ZNF385B: variants seen among roughly 807,000 people sequenced by gnomAD.
ZNF385B encodes the protein zinc finger protein 533.
In ZNF385B, 23 loss-of-function variants were observed where a neutral mutation model predicts 39.2. The ratio of observed to expected loss-of-function variants is 0.59; its 90% CI spans 0.42 to 0.83. The LOEUF is 0.83. Among genes scored for constraint, ZNF385B ranks in the 40% least tolerant of loss-of-function variants. The pLI is 0.00. For missense variants in ZNF385B, 552 were observed against 598.9 expected, an observed-to-expected ratio of 0.92 and a Z score of 0.82; for synonymous variants, 205 against 222.6, an observed-to-expected ratio of 0.92 and a Z score of 0.70.
At chr2:179,609,728 T>C (rs958003195) in intron 3 of ZNF385B, among the ~76,000 whole-genome samples, 5 of 152,242 alleles carry the variant, frequency 3.3e-5, no homozygotes, top group Non-Finnish European at 5.9e-5. Context: ...TCCATATCCT[T>C]GCCAGCATTT....
Position 179,445,680 on chromosome 2 carries a change from A to C in ZNF385B, c.1010T>G (p.Ile337Ser), listed in dbSNP as rs750873664. 2.5e-6 allele frequency: 4 copies of C among 1,613,812 alleles called. No homozygotes were observed. The highest frequency in any genetic ancestry group is 3.4e-6 in the Non-Finnish European group (4 of 1,179,932). Residue 337 changes from isoleucine (I) to serine (S), a missense_variant, in exon 8 of 10, where the codon ATT becomes AGT. Ile to Ser is a moderately radical substitution (Grantham distance 142). Transcript: ENST00000410066. The stretch of plus-strand genomic sequence containing the variant: ...TGATCCAGGTCTAGGATAGGATTTA[A>C]TTGGACCAGCCCCATTACGAGCTTC... The part of the protein sequence containing the change: ...MVEARNGAGP[I>S]KSYPRPGSRL...
chr2:179,612,428 C>A (rs1689364394), intron 3 of ZNF385B, among the ~76,000 whole-genome samples: 3 of 150,336 alleles, frequency 2.0e-5, no homozygotes, highest in South Asian at 4.2e-4. Flanking sequence ...TCTCTGCAGC[C>A]TGTCTGAATT....
chr2:179,640,065 A>G (rs1214727472), intron 3 of ZNF385B, among the ~76,000 whole-genome samples: 2 of 152,200 alleles, frequency 1.3e-5, no homozygotes, highest in East Asian at 3.8e-4. Flanking sequence ...AATAGCCTAG[A>G]TTTTTGAAAA....
intron 4 of ZNF385B, among the ~76,000 whole-genome samples, chr2:179,525,190 TA>T (rs148441295): frequency 0.059 from 9,027 of 152,206 alleles, 332 homozygotes; most frequent in South Asian, 0.11. Context: ...ATCGCACTGC[TA>T]AAGGGTATGG....
chr2:179,785,667 A>G (rs2106530610), intron 1 of ZNF385B, among the ~76,000 whole-genome samples: 1 of 152,292 alleles, frequency 6.6e-6, no homozygotes, highest in East Asian at 1.9e-4. Flanking sequence ...AAGTAGAATT[A>G]GAAGTGGAGG....
At chr2:179,756,294 G>A (rs1239552115) in intron 3 of ZNF385B, among the ~76,000 whole-genome samples, 1 of 152,214 alleles carries the variant, frequency 6.6e-6, no homozygotes, top group African/African-American at 2.4e-5. Flanking sequence ...CTTTAAGAAT[G>A]TCAAATATTG....
intron 1 of ZNF385B, among the ~76,000 whole-genome samples, chr2:179,839,231 T>C (rs1369137528): frequency 1.3e-5 from 2 of 152,232 alleles, no homozygotes; most frequent in Non-Finnish European, 2.9e-5. Context: ...AGCCATTACA[T>C]GATTCCTGGG....
intron 4 of ZNF385B, among the ~76,000 whole-genome samples, chr2:179,530,647 C>T (rs567026459): frequency 1.3e-5 from 2 of 152,282 alleles, no homozygotes; most frequent in South Asian, 4.1e-4. Flanking sequence ...AAGAAAACTC[C>T]TCCAGGCAGG....
chr2:179,493,758 T>C (rs566630095), intron 5 of ZNF385B, among the ~76,000 whole-genome samples: 15 of 128,714 alleles, frequency 1.2e-4, no homozygotes, highest in Non-Finnish European at 1.7e-4. Context: ...TGTATATACA[T>C]ATATGTATAC....
intron 1 of ZNF385B, among the ~76,000 whole-genome samples, chr2:179,836,176 TACTC>T (rs892716594): frequency 2.0e-5 from 3 of 152,230 alleles, no homozygotes; most frequent in Non-Finnish European, 2.9e-5. Flanking sequence ...TTTTCCATAA[TACTC>T]ACCACATTAC....
intron 6 of ZNF385B, among the ~76,000 whole-genome samples, chr2:179,472,531 G>GT (rs1263284181): frequency 2.0e-5 from 3 of 152,124 alleles, no homozygotes; most frequent in African/African-American, 7.2e-5. Flanking sequence ...CTCTACTGTG[G>GT]TAAGAACTTC....
At chr2:179,466,999 A>C (rs1008398685) in intron 6 of ZNF385B, among the ~76,000 whole-genome samples, 5 of 150,762 alleles carry the variant, frequency 3.3e-5, no homozygotes, top group African/African-American at 9.7e-5. Flanking sequence ...GGAGGGAAGA[A>C]ATTCCACATA....
At chr2:179,502,789 C>T (rs1006123496) in intron 5 of ZNF385B, among the ~76,000 whole-genome samples, 2 of 152,154 alleles carry the variant, frequency 1.3e-5, no homozygotes, top group African/African-American at 4.8e-5. Flanking sequence ...TCTACCTTCA[C>T]CCCCACATTC....
intron 1 of ZNF385B, among the ~76,000 whole-genome samples, chr2:179,820,399 T>G (rs553908173): frequency 9.2e-5 from 14 of 152,194 alleles, no homozygotes; most frequent in African/African-American, 3.1e-4. Flanking sequence ...TAAAATTTAG[T>G]TTACCAAATG....
intron 3 of ZNF385B, among the ~76,000 whole-genome samples, chr2:179,754,570 T>C (rs887385233): frequency 6.6e-6 from 1 of 152,208 alleles, no homozygotes; most frequent in Admixed American, 6.5e-5. Context: ...CTGGACTTTT[T>C]TTGGTTGATA....
chr2:179,539,909 C>G (rs2059809343), intron 4 of ZNF385B, among the ~76,000 whole-genome samples: 1 of 152,032 alleles, frequency 6.6e-6, no homozygotes, highest in Non-Finnish European at 1.5e-5. Flanking sequence ...TTATTGGGCA[C>G]AAGGGGGTTT....
chr2:179,772,442 G>A (rs932052590), intron 1 of ZNF385B, among the ~76,000 whole-genome samples: 3 of 152,156 alleles, frequency 2.0e-5, no homozygotes, highest in East Asian at 3.8e-4. Context: ...ATTAGTCCTA[G>A]TTCTGGCTTC....
chr2:179,767,337 A>G (rs972488920), intron 3 of ZNF385B, among the ~76,000 whole-genome samples: 3 of 152,142 alleles, frequency 2.0e-5, no homozygotes, highest in Non-Finnish European at 4.4e-5. Context: ...CCGCCTTTCT[A>G]TCCTTCTATG....
At chr2:179,627,352 C>T (rs1273066000) in intron 3 of ZNF385B, among the ~76,000 whole-genome samples, 1 of 152,144 alleles carries the variant, frequency 6.6e-6, no homozygotes, top group Non-Finnish European at 1.5e-5. Flanking sequence ...TGAAGGATCA[C>T]TCATTGCAAC....
Sources: gnomAD v4.1 joint callset for allele counts (sites outside exome capture counted in the v4.1 genomes callset) on GRCh38, gnomAD v4.1.1 for gene constraint, MANE v1.5 for transcripts, NCBI Gene and HGNC (gene_info 2026-07-23, HGNC 2026-07-21) for gene names.